The following FABP6 variants were observed in gnomAD, a reference collection of about 807,000 sequenced individuals.
FABP6 encodes gastrotropin.
FABP6 carries 13 observed loss-of-function variants against 14.9 expected under a neutral mutation model. The observed-to-expected ratio is 0.87, with a 90% CI of 0.57 to 1.39. The LOEUF (loss-of-function observed/expected upper bound fraction) is 1.39, where lower values mean the gene tolerates loss of function less well. Among genes scored for constraint, FABP6 ranks in the 40% most tolerant of loss-of-function variants. The probability of loss-of-function intolerance (pLI) is 0.00; values close to 1 mark genes in which losing one functional copy is unlikely to be tolerated. For synonymous variants in FABP6, 75 were observed against 63.6 expected (o/e 1.18, Z -0.85); for missense variants, 161 against 167.2 (o/e 0.96, Z 0.20).
chr5:160,217,858 A>G (rs961389098), intron 3 of FABP6, among the ~76,000 whole-genome samples: 27 of 151,796 alleles, frequency 1.8e-4, no homozygotes, highest in African/African-American at 6.3e-4. Context: ...GCCCAGGCTC[A>G]TCTCAAACTC....
intron 3 of FABP6, among the ~76,000 whole-genome samples, chr5:160,221,581 T>G (rs974491389): frequency 4.6e-5 from 7 of 152,186 alleles, no homozygotes; most frequent in Non-Finnish European, 1.0e-4. Context: ...GTGGTAAAAT[T>G]ATTTCCCCCA....
chr5:160,219,584 A>G (rs1274372457), intron 3 of FABP6, among the ~76,000 whole-genome samples: 1 of 152,056 alleles, frequency 6.6e-6, no homozygotes, highest in Non-Finnish European at 1.5e-5. Flanking sequence ...AAGGGGTGGG[A>G]GCATGGCTGA....
chr5:160,201,803 ACT>A (rs1759647195), intron 2 of FABP6, among the ~76,000 whole-genome samples: 1 of 151,994 alleles, frequency 6.6e-6, no homozygotes, highest in South Asian at 2.1e-4. Context: ...TTACTCTATC[ACT>A]CAGGCTGGAA....
At chr5:160,214,343 T>C (rs950193311) in intron 3 of FABP6, among the ~76,000 whole-genome samples, 4 of 151,946 alleles carry the variant, frequency 2.6e-5, no homozygotes, top group South Asian at 2.1e-4. Context: ...TTTTAAATTT[T>C]TTGTAGAGAC....
upstream of FABP6, among the ~76,000 whole-genome samples, chr5:160,224,633 A>T (rs1209367400): frequency 2.0e-5 from 3 of 152,150 alleles, no homozygotes; most frequent in Admixed American, 1.3e-4. Flanking sequence ...GGAGGAAATT[A>T]AAATGCCACT....
chr5:160,236,455 A>G (rs1760517484), intron 3 of FABP6, among the ~76,000 whole-genome samples: 2 of 152,104 alleles, frequency 1.3e-5, no homozygotes, highest in Non-Finnish European at 2.9e-5. Context: ...GGGGGGACAC[A>G]CGCGCAGTCC....
chr5:160,233,987 T>G (rs975833389), intron 2 of FABP6, among the ~76,000 whole-genome samples: 4 of 152,132 alleles, frequency 2.6e-5, no homozygotes, highest in African/African-American at 9.7e-5. Flanking sequence ...CCCCAGCTAT[T>G]TGCCTCTATC....
intron 2 of FABP6, among the ~76,000 whole-genome samples, chr5:160,209,906 A>C (rs1561746667): frequency 6.6e-6 from 1 of 152,176 alleles, no homozygotes; most frequent in Non-Finnish European, 1.5e-5. Context: ...ACAGAAAGCA[A>C]CCTAAGACAT....
chr5:160,189,299 T>A (rs1759349674), intron 1 of FABP6, among the ~76,000 whole-genome samples: 1 of 152,188 alleles, frequency 6.6e-6, no homozygotes. Flanking sequence ...TGGAGTGCAA[T>A]GGCAGGATAT....
At chr5:160,209,691 A>G (rs1340047544) in intron 2 of FABP6, among the ~76,000 whole-genome samples, 1 of 152,010 alleles carries the variant, frequency 6.6e-6, no homozygotes, top group African/African-American at 2.4e-5. Context: ...ACTGCAATAA[A>G]TCATCGTCTT....
At chr5:160,207,691 T>A (rs72810200) in intron 2 of FABP6, among the ~76,000 whole-genome samples, 1 of 151,438 alleles carries the variant, frequency 6.6e-6, no homozygotes, top group African/African-American at 2.4e-5. Context: ...TAGTTACATA[T>A]GAGAGACGGG....
intron 2 of FABP6, among the ~76,000 whole-genome samples, chr5:160,200,130 C>G (rs1018919151): frequency 6.6e-6 from 1 of 152,210 alleles, no homozygotes; most frequent in African/African-American, 2.4e-5. Flanking sequence ...GCTGGACGAC[C>G]TTAGACAGCC....
chr5:160,193,451 T>A (rs1366303773), intron 1 of FABP6, among the ~76,000 whole-genome samples: 1 of 152,126 alleles, frequency 6.6e-6, no homozygotes, highest in Non-Finnish European at 1.5e-5. Flanking sequence ...GGGTTGCGAC[T>A]GCTGGCTCAG....
intron 3 of FABP6, among the ~76,000 whole-genome samples, chr5:160,215,218 T>G (rs1414086786): frequency 6.6e-6 from 1 of 152,140 alleles, no homozygotes; most frequent in East Asian, 1.9e-4. Flanking sequence ...ATATGGCCAT[T>G]AAAAGTGATG....
upstream of FABP6, among the ~76,000 whole-genome samples, chr5:160,228,095 TTAA>T (rs1248563143): frequency 6.6e-6 from 1 of 151,960 alleles, no homozygotes. Context: ...GTTTCCTGAA[TTAA>T]TAATAATAAT....
chr5:160,201,977 T>A (rs1459553810), intron 2 of FABP6, among the ~76,000 whole-genome samples: 1 of 152,204 alleles, frequency 6.6e-6, no homozygotes, highest in Non-Finnish European at 1.5e-5. Flanking sequence ...TTGCCCAAGC[T>A]GGTCTTGAAC....
intron 3 of FABP6, among the ~76,000 whole-genome samples, chr5:160,223,956 G>T (rs1485015227): frequency 1.3e-5 from 2 of 149,324 alleles, no homozygotes; most frequent in African/African-American, 2.5e-5. Context: ...AAAAAAATTG[G>T]CCGGGCGCAG....
At chr5:160,209,137 C>T in intron 2 of FABP6, among the ~76,000 whole-genome samples, 1 of 152,198 alleles carries the variant, frequency 6.6e-6, no homozygotes, top group South Asian at 2.1e-4. Flanking sequence ...ACCTGTTGTC[C>T]CAGCTACTCC....
chr5:160,218,553 C>T (rs539398077), intron 3 of FABP6, among the ~76,000 whole-genome samples: 24 of 150,604 alleles, frequency 1.6e-4, no homozygotes, highest in South Asian at 1.1e-3. Context: ...CTCTGCCTCC[C>T]GAGTACAAGC....
Sources: gnomAD v4.1 joint callset for allele counts (sites outside exome capture counted in the v4.1 genomes callset) on GRCh38, gnomAD v4.1.1 for gene constraint, MANE v1.5 for transcripts, NCBI Gene and HGNC (gene_info 2026-07-23, HGNC 2026-07-21) for gene names.